Variants in DNAI4 observed in about 807,000 individuals in gnomAD.
DNAI4 encodes the protein dynein axonemal intermediate chain 4.
DNAI4 carries 85 observed loss-of-function variants against 105.8 expected under a neutral mutation model. The ratio of observed to expected loss-of-function variants is 0.80; its 90% CI spans 0.67 to 0.96. The LOEUF is 0.96. DNAI4 is among the 40% of genes least tolerant of loss of function. The pLI is 0.00. For synonymous variants in DNAI4, 352 were observed against 331.5 expected, an observed-to-expected ratio of 1.06 and a Z score of -0.67; for missense variants, 1,014 against 1,005.6, an observed-to-expected ratio of 1.01 and a Z score of -0.11.
chr1:66,906,576 ATG>A (rs1297279670), intron 1 of DNAI4, among the ~76,000 whole-genome samples: 2 of 152,138 alleles, frequency 1.3e-5, no homozygotes, highest in Non-Finnish European at 2.9e-5. Flanking sequence ...GAATGTAAGC[ATG>A]TTTAGGGCAG....
At chr1:66,820,808 A>T (rs958531486) in intron 16 of DNAI4, among the ~76,000 whole-genome samples, 1 of 138,766 alleles carries the variant, frequency 7.2e-6, no homozygotes. Context: ...GCATTTTATT[A>T]TTTTATTTAT....
intron 4 of DNAI4, among the ~76,000 whole-genome samples, chr1:66,876,758 G>T (rs771375044): frequency 6.6e-5 from 10 of 152,198 alleles, no homozygotes; most frequent in Admixed American, 3.3e-4. Context: ...ACCTAGAAAA[G>T]AATCACAATT....
intron 6 of DNAI4, chr1:66,870,837 T>C (rs1646831177): frequency 6.6e-6 from 1 of 151,632 alleles, no homozygotes; most frequent in South Asian, 2.1e-4. Flanking sequence ...ATTTTGGCTA[T>C]GCAATGTGCT....
At chr1:66,878,366 G>A (rs1647001422) in intron 4 of DNAI4, among the ~76,000 whole-genome samples, 2 of 151,912 alleles carry the variant, frequency 1.3e-5, no homozygotes, top group African/African-American at 2.4e-5. Context: ...GTTCTATTTT[G>A]TTTTGTTTGA....
At position 66,893,317 on chromosome 1, in the gene DNAI4, G is replaced by A; in HGVS notation, c.442C>T (p.Gln148Ter). ...AATTCTGATCCAAGTGATCCTTCTT[G>A]TGATGTCAAGAGTTTACTTGGTTTT... ...TAKPSKLLTS[Q>*]EGSLGSEFIS... Residue 148 changes from glutamine (Q) to a stop codon, truncating the protein, a stop_gained, in exon 3 of 17, where the codon CAA becomes TAA. Coordinates refer to ENST00000371026, the MANE Select transcript of DNAI4 (RefSeq NM_024763.5). LOFTEE classifies it high-confidence loss of function. The A allele has an allele frequency of 6.2e-7, 1 of 1,610,778 alleles. No individual in the cohort carries two copies. Among genetic ancestry groups the A allele is most frequent in the Non-Finnish European group, 8.5e-7 (1 of 1,178,188 alleles).
intron 6 of DNAI4, among the ~76,000 whole-genome samples, chr1:66,870,310 T>A (rs1450616325): frequency 1.3e-5 from 2 of 151,570 alleles, no homozygotes; most frequent in Non-Finnish European, 2.9e-5. Context: ...GCCATGGTGG[T>A]GGGCACCTGT....
intron 1 of DNAI4, among the ~76,000 whole-genome samples, chr1:66,921,979 C>T (rs1463156057): frequency 1.3e-5 from 2 of 149,794 alleles, no homozygotes; most frequent in African/African-American, 4.9e-5. Context: ...ATCACTACAA[C>T]ATCACCTTCC....
chr1:66,842,630 C>T (rs1572632282), intron 8 of DNAI4, among the ~76,000 whole-genome samples: 1 of 152,090 alleles, frequency 6.6e-6, no homozygotes, highest in Non-Finnish European at 1.5e-5. Flanking sequence ...CTCCTTTCCT[C>T]AAGTGGCCTG....
In DNAI4 at chr1:66,826,841, A is replaced by G; in HGVS notation, c.2318T>C (p.Ile773Thr). 6.2e-7 allele frequency: 1 copy of G among 1,614,102 alleles called. No homozygotes were observed. Among genetic ancestry groups the G allele is most frequent in the East Asian group, 2.2e-5 (1 of 44,872 alleles). The change falls in exon 15 of 17, where the codon ATT becomes ACT. Residue 773 changes from isoleucine to threonine, a missense_variant. By Grantham distance (89) the Ile-to-Thr change is moderately conservative (BLOSUM62 -1). Coordinates refer to ENST00000371026, the MANE Select transcript of DNAI4 (RefSeq NM_024763.5). ...TTACGTGCTGATATGAAGGTCCCAAATCTCCACCCTGTTCTCATTTGCAGC... is the reference window on the plus strand; with the variant it reads ...TTACGTGCTGATATGAAGGTCCCAAGTCTCCACCCTGTTCTCATTTGCAGC... The part of the protein sequence containing the change: ...FAAANENRVE[I>T]WDLHISTLDP...
intron 16 of DNAI4, among the ~76,000 whole-genome samples, 177 bp downstream of exon 16, chr1:66,822,184 A>G (rs554710544): frequency 2.4e-5 from 1 of 42,306 alleles, no homozygotes; most frequent in Admixed American, 2.1e-4. Flanking sequence ...GACGAGGCTG[A>G]AAAAAAAAAA....
At chr1:66,833,770 A>C (rs1645920317) in intron 12 of DNAI4, 64 bp from the exon 13 acceptor site, 18 of 1,561,796 alleles carry the variant, frequency 1.2e-5, no homozygotes, top group South Asian at 2.4e-5. Flanking sequence ...CGCAAATATC[A>C]TGTGTGTTTC....
chr1:66,860,713 C>T (rs1056123202), intron 7 of DNAI4: 5 of 152,072 alleles, frequency 3.3e-5, no homozygotes, highest in South Asian at 2.1e-4. Flanking sequence ...ACTTTGCACT[C>T]GCACATTTTT....
chr1:66,883,797 A>C (rs1329838707), intron 4 of DNAI4, among the ~76,000 whole-genome samples: 1 of 152,246 alleles, frequency 6.6e-6, no homozygotes, highest in African/African-American at 2.4e-5. Flanking sequence ...AATTAAATCA[A>C]GCTAGTTAAC....
At chr1:66,918,267 T>G (rs1477080820) in intron 1 of DNAI4, among the ~76,000 whole-genome samples, 1 of 152,362 alleles carries the variant, frequency 6.6e-6, no homozygotes, top group African/African-American at 2.4e-5. Flanking sequence ...AGAAAAATTA[T>G]GTTTCAAAAC....
At chr1:66,900,539 G>A (rs932074653) in intron 2 of DNAI4, among the ~76,000 whole-genome samples, 2 of 151,978 alleles carry the variant, frequency 1.3e-5, no homozygotes, top group Non-Finnish European at 2.9e-5. Flanking sequence ...CATGACCATG[G>A]GATACTTTCC....
chr1:66,825,237 T>C (rs2100356593), intron 15 of DNAI4, among the ~76,000 whole-genome samples: 1 of 141,574 alleles, frequency 7.1e-6, no homozygotes, highest in South Asian at 2.3e-4. Context: ...CGGACTGCAG[T>C]GGCGCAATCT....
At chr1:66,914,608 CTGAGT>C (rs1649926390) in intron 1 of DNAI4, among the ~76,000 whole-genome samples, 1 of 151,916 alleles carries the variant, frequency 6.6e-6, no homozygotes, top group African/African-American at 2.4e-5. Flanking sequence ...TGACTTTCAC[CTGAGT>C]TGTTTCCTTT....
In DNAI4 at chr1:66,831,795, A is replaced by G. The variant is rs529337242; in HGVS notation, c.2013+1790T>C. Among the ~76,000 whole-genome samples the G allele has an allele frequency of 2.0e-3, 308 of 152,342 alleles. 4 individuals carry two copies. The highest frequency in any genetic ancestry group is 1.7e-3 in the Non-Finnish European group (114 of 68,026). On this transcript the variant is annotated intron_variant, in intron 13 of 16. Transcript: ENST00000371026. ...CAGTGCAATCGTACAAGAAAGAGAA[A>G]TAAAGGCAAGCAGGTTAGAAAGAAA...
chr1:66,896,004 G>C (rs891830350), intron 2 of DNAI4, among the ~76,000 whole-genome samples: 1 of 152,022 alleles, frequency 6.6e-6, no homozygotes, highest in Non-Finnish European at 1.5e-5. Flanking sequence ...AAGTGAAATT[G>C]GCATATAATA....
Sources: gnomAD v4.1 joint callset for allele counts (sites outside exome capture counted in the v4.1 genomes callset) on GRCh38, gnomAD v4.1.1 for gene constraint, MANE v1.5 for transcripts, NCBI Gene and HGNC (gene_info 2026-07-23, HGNC 2026-07-21) for gene names.